GTF2A1L: variants seen among roughly 807,000 people sequenced by gnomAD.
GTF2A1L encodes general transcription factor IIA subunit 1 like, also known as TFIIA-alpha and beta-like factor.
Under a neutral mutation model 49.7 loss-of-function variants are expected in GTF2A1L, and 48 were observed. The ratio of observed to expected loss-of-function variants is 0.97; its 90% CI spans 0.77 to 1.23. The LOEUF (loss-of-function observed/expected upper bound fraction) is 1.23. Among genes scored for constraint, GTF2A1L ranks in the 50% most tolerant of loss-of-function variants. GTF2A1L has a pLI of 0.00. For missense variants in GTF2A1L, 736 were observed against 564.8 expected, an observed-to-expected ratio of 1.30 and a Z score of -3.07; for synonymous variants, 246 against 193.5, an observed-to-expected ratio of 1.27 and a Z score of -2.25.
At chr2:48,656,571 G>A (rs1219647192) in intron 6 of GTF2A1L, among the ~76,000 whole-genome samples, 2 of 151,680 alleles carry the variant, frequency 1.3e-5, no homozygotes, top group Non-Finnish European at 2.9e-5. Flanking sequence ...TTGACTTGTA[G>A]TTCTTTATAT....
At chr2:48,661,503 C>G (rs1678498896) in intron 6 of GTF2A1L, among the ~76,000 whole-genome samples, 1 of 152,008 alleles carries the variant, frequency 6.6e-6, no homozygotes, top group Non-Finnish European at 1.5e-5. Context: ...ATCTGCCTGC[C>G]TCAGCTTACC....
intron 3 of GTF2A1L, among the ~76,000 whole-genome samples, chr2:48,631,079 C>CT (rs910232055): frequency 4.3e-4 from 65 of 152,108 alleles, no homozygotes; most frequent in African/African-American, 1.5e-3. Context: ...CTATACTTTT[C>CT]TTTTTTTATC....
chr2:48,618,400 C>T (rs1011777497), intron 1 of GTF2A1L, among the ~76,000 whole-genome samples: 3 of 152,202 alleles, frequency 2.0e-5, no homozygotes, highest in Non-Finnish European at 1.5e-5. Context: ...CTACATTACC[C>T]TCCTACCTCT....
intron 8 of GTF2A1L, among the ~76,000 whole-genome samples, chr2:48,675,211 T>G (rs1486261089): frequency 1.3e-5 from 2 of 152,164 alleles, no homozygotes; most frequent in Admixed American, 1.3e-4. Flanking sequence ...GCCACTCTGC[T>G]AACTTACTCA....
At chr2:48,648,183 G>A (rs1185925586) in intron 6 of GTF2A1L, among the ~76,000 whole-genome samples, 1 of 151,850 alleles carries the variant, frequency 6.6e-6, no homozygotes, top group Non-Finnish European at 1.5e-5. Context: ...TCTGTTTTTA[G>A]TTTTTCTATA....
chr2:48,617,937 G>C (rs754058278), intron 1 of GTF2A1L, 42 bp downstream of exon 1: 53 of 1,547,238 alleles, frequency 3.4e-5, no homozygotes, highest in Non-Finnish European at 4.5e-5. Context: ...AGCGCCCTGG[G>C]ACTCCGGGTT....
chr2:48,630,969 C>T (rs1051588653), intron 3 of GTF2A1L, among the ~76,000 whole-genome samples: 1 of 152,084 alleles, frequency 6.6e-6, no homozygotes, highest in East Asian at 1.9e-4. Context: ...AGGAATGAAG[C>T]TTATTTAGTT....
rs17037464 is a variant in GTF2A1L at position 48,618,867 on chromosome 2, C to G, written c.21+972C>G. 7.1e-3 allele frequency among the ~76,000 whole-genome samples: 1,074 copies of G among 152,184 alleles called. 12 individuals carry two copies. The highest frequency in any genetic ancestry group is 0.025 in the African/African-American group (1,027 of 41,532). The stretch of plus-strand genomic sequence containing the variant: ...ATAGAAGAGAAAATATGTTCAATAC[C>G]TATTTTGATTTCTGAAAAACTGTGT... On this transcript the variant is annotated intron_variant, in intron 1 of 8. Coordinates refer to ENST00000403751, the MANE Select transcript of GTF2A1L (RefSeq NM_006872.5).
rs1057084894 is a variant in GTF2A1L, at chr2:48,629,651, A to G, written c.247+8361A>G. The stretch of plus-strand genomic sequence containing the variant: ...TATATGCGGTGAGAAAGGGAAGGAC[A>G]TGAAGTCTATTTTCAGGCTAAGGGA... On this transcript the variant is annotated intron_variant, in intron 3 of 8. Coordinates refer to ENST00000403751, the MANE Select transcript of GTF2A1L (RefSeq NM_006872.5). Among the ~76,000 whole-genome samples, 11 of 144,416 alleles carry G rather than the reference A, an allele frequency of 7.6e-5. 2 individuals carry two copies. The highest frequency in any genetic ancestry group is 1.7e-4 in the Non-Finnish European group (11 of 64,018). The allele number at this position is 144,416 out of a possible 152,430, so 94.7% of individuals were successfully genotyped here.
intron 6 of GTF2A1L, among the ~76,000 whole-genome samples, chr2:48,649,504 C>A (rs1677727148): frequency 6.6e-6 from 1 of 152,186 alleles, no homozygotes; most frequent in South Asian, 2.1e-4. Flanking sequence ...TGTTTTGAAT[C>A]CCTTCTCTAT....
At chr2:48,673,189 C>T (rs6718630) in intron 8 of GTF2A1L, among the ~76,000 whole-genome samples, 7,222 of 152,004 alleles carry the variant, frequency 0.048, 554 homozygotes, top group African/African-American at 0.16. Context: ...TTTCTTTTTC[C>T]GTTTGTCTTT....
chr2:48,640,008 C>T (rs373484694), intron 3 of GTF2A1L, among the ~76,000 whole-genome samples: 74 of 152,138 alleles, frequency 4.9e-4, no homozygotes, highest in Non-Finnish European at 9.3e-4. Flanking sequence ...TACCATCTCA[C>T]ACCAGTCTGA....
chr2:48,647,080 AGAT>A, intron 6 of GTF2A1L, 38 bp downstream of exon 6: 1 of 1,494,372 alleles, frequency 6.7e-7, no homozygotes, highest in South Asian at 1.3e-5. Flanking sequence ...ATCAGGGGAC[AGAT>A]AGTGGCCAGT....
rs1246046138 is a variant in GTF2A1L, at chr2:48,629,288, G to A, written c.247+7998G>A. On this transcript the variant is annotated intron_variant, in intron 3 of 8. Coordinates refer to ENST00000403751, the MANE Select transcript of GTF2A1L (RefSeq NM_006872.5). ...TTTCCAAAGCTGGCAAGGAGGAAGT[G>A]GCTTGATTCCTGTCCAAAGCAATGA... 4.2e-5 allele frequency among the ~76,000 whole-genome samples: 6 copies of A among 143,900 alleles called. 1 individual carries two copies. Among genetic ancestry groups the A allele is most frequent in the African/African-American group, 1.5e-4 (6 of 40,480 alleles). 94.4% of individuals were successfully genotyped at this position (143,900 alleles called of 152,430 possible).
intron 6 of GTF2A1L, among the ~76,000 whole-genome samples, chr2:48,664,759 C>T (rs1318310203): frequency 1.3e-5 from 2 of 152,024 alleles, no homozygotes; most frequent in African/African-American, 2.4e-5. Flanking sequence ...ATCCATTTTA[C>T]TTAAGTTGTA....
intron 6 of GTF2A1L, among the ~76,000 whole-genome samples, chr2:48,664,419 T>C (rs1007090973): frequency 1.3e-5 from 2 of 151,672 alleles, no homozygotes; most frequent in Admixed American, 1.3e-4. Flanking sequence ...GATACACTGA[T>C]TGATTTTTGA....
intron 6 of GTF2A1L, among the ~76,000 whole-genome samples, chr2:48,653,480 A>C (rs2104235500): frequency 6.6e-6 from 1 of 152,246 alleles, no homozygotes; most frequent in Admixed American, 6.5e-5. Flanking sequence ...GGGTAGGTTT[A>C]CCTTTTCCAG....
intron 6 of GTF2A1L, among the ~76,000 whole-genome samples, chr2:48,655,839 T>C (rs1678139177): frequency 6.6e-6 from 1 of 152,292 alleles, no homozygotes; most frequent in African/African-American, 2.4e-5. Context: ...CATTAAGCAG[T>C]AACTCCCCAT....
chr2:48,620,779 G>GAATGAATA (rs10634616), intron 1 of GTF2A1L, 72 bp from the exon 2 acceptor site: 117 of 609,576 alleles, frequency 1.9e-4, no homozygotes, highest in Middle Eastern at 1.5e-3. Context: ...TCCATCTCAA[G>GAATGAATA]AATAAATAAA....
Sources: allele counts gnomAD v4.1 joint callset (sites outside exome capture counted in the v4.1 genomes callset), GRCh38; gene constraint gnomAD v4.1.1; transcripts MANE v1.5; gene names NCBI Gene and HGNC (gene_info 2026-07-23, HGNC 2026-07-21).